The following SNX13 variants were observed in gnomAD, a reference collection of about 807,000 sequenced individuals.
SNX13 encodes sorting nexin 13.
In SNX13, 45 loss-of-function variants were observed where a neutral mutation model predicts 133.6. That is an observed-to-expected ratio of 0.34 (90% CI 0.27 to 0.43). The LOEUF is 0.43. Ranked by LOEUF, SNX13 falls within the 20% of genes least tolerant of loss-of-function variation. The pLI, the probability that SNX13 is intolerant of heterozygous loss-of-function variation, is 1.00. For missense variants in SNX13, 1,032 were observed against 1,145.1 expected (o/e 0.90, Z 1.43); for synonymous variants, 414 against 373.9 (o/e 1.11, Z -1.24).
chr7:17,865,656 C>G (rs1203607483), intron 9 of SNX13, among the ~76,000 whole-genome samples: 1 of 151,970 alleles, frequency 6.6e-6, no homozygotes, highest in East Asian at 1.9e-4. Context: ...ATATATGGAA[C>G]CACAAAAGAC....
intron 1 of SNX13, among the ~76,000 whole-genome samples, chr7:17,925,998 A>AT (rs889728812): frequency 2.0e-5 from 3 of 152,214 alleles, no homozygotes; most frequent in African/African-American, 7.2e-5. Flanking sequence ...GGTTATAGGT[A>AT]TTTTTTAAAT....
At chr7:17,845,849 G>A (rs1322977177) in intron 11 of SNX13, among the ~76,000 whole-genome samples, 155 bp from the exon 12 acceptor site, 2 of 152,078 alleles carry the variant, frequency 1.3e-5, no homozygotes, top group Non-Finnish European at 2.9e-5. Flanking sequence ...TATACATTGT[G>A]TGAATTTAAA....
chr7:17,927,142 G>T (rs1235880205), intron 1 of SNX13, among the ~76,000 whole-genome samples: 1 of 150,722 alleles, frequency 6.6e-6, no homozygotes, highest in Admixed American at 6.6e-5. Flanking sequence ...TGACATTTTT[G>T]ACATATATAT....
Position 17,819,384 on chromosome 7 carries a change from G to C in SNX13, c.1845+2125C>G, listed in dbSNP as rs546635855. ...AGCCTCCTGAGTAGCTGGGACTACA[G>C]CCCAGCTAATTTTTTGTATTTTTGT... is the stretch of plus-strand genomic sequence containing the variant. On this transcript the variant is annotated intron_variant, in intron 18 of 25. Transcript: ENST00000428135. Among the ~76,000 whole-genome samples the C allele has an allele frequency of 2.1e-3, 313 of 152,076 alleles. 1 individual carries two copies. Among genetic ancestry groups the C allele is most frequent in the Non-Finnish European group, 3.5e-3 (239 of 67,988 alleles).
intron 1 of SNX13, among the ~76,000 whole-genome samples, chr7:17,935,886 G>A (rs1007907347): frequency 6.6e-6 from 1 of 152,126 alleles, no homozygotes; most frequent in Non-Finnish European, 1.5e-5. Context: ...AGATTAATGT[G>A]CCCCAAGAGT....
intron 20 of SNX13, among the ~76,000 whole-genome samples, chr7:17,805,341 C>T (rs904251687): frequency 2.0e-5 from 3 of 151,314 alleles, no homozygotes; most frequent in Admixed American, 6.6e-5. Flanking sequence ...TCAAATCAAT[C>T]GGGACATTAT....
intron 9 of SNX13, among the ~76,000 whole-genome samples, chr7:17,854,831 C>T (rs1791690508): frequency 1.3e-5 from 2 of 152,134 alleles, no homozygotes; most frequent in South Asian, 4.2e-4. Flanking sequence ...ACAATGAACT[C>T]TTAAGCGTTC....
intron 1 of SNX13, among the ~76,000 whole-genome samples, chr7:17,934,028 T>C (rs1241349562): frequency 6.6e-6 from 1 of 152,220 alleles, no homozygotes; most frequent in African/African-American, 2.4e-5. Context: ...TCCCTTATAG[T>C]GCTTAACATA....
chr7:17,925,774 G>A (rs538028073), intron 1 of SNX13, among the ~76,000 whole-genome samples: 1 of 150,934 alleles, frequency 6.6e-6, no homozygotes, highest in African/African-American at 2.5e-5. Context: ...TGAAGAGGAC[G>A]AAGAAGGGGA....
chr7:17,801,042 A>T (rs1485767716), intron 22 of SNX13, among the ~76,000 whole-genome samples: 1 of 23,520 alleles, frequency 4.3e-5, no homozygotes, highest in African/African-American at 1.3e-4. Context: ...ATATATATAT[A>T]TATATATATA....
intron 3 of SNX13, among the ~76,000 whole-genome samples, chr7:17,893,072 A>C (rs1169640541): frequency 6.6e-6 from 1 of 152,232 alleles, no homozygotes; most frequent in Non-Finnish European, 1.5e-5. Flanking sequence ...AGACAGCAGG[A>C]AAAATACCCA....
intron 1 of SNX13, chr7:17,898,111 G>C (rs1356142297): frequency 6.6e-6 from 1 of 150,526 alleles, no homozygotes; most frequent in East Asian, 1.9e-4. Flanking sequence ...GAATTATACT[G>C]TTTTAGCCAA....
At position 17,839,930 on chromosome 7, in the gene SNX13, G is replaced by A. The variant is rs12720473; in HGVS notation, c.1236C>T (p.Thr412=). The A allele has an allele frequency of 0.067, 108,368 of 1,611,568 alleles. 4,250 individuals carry two copies. Among genetic ancestry groups the A allele is most frequent in the Non-Finnish European group, 0.08 (93,901 of 1,178,382 alleles). The stretch of plus-strand genomic sequence containing the variant: ...ATAAAACTTCTAGCTGCTGTTGGGC[G>A]GTAACCCGGTATCCTTCCACTGTCA... ...FWMTVEGYRV[T]AQQQLEVLLS... The change falls in exon 13 of 26, where the codon ACC becomes ACT. Residue 412 remains threonine (T), a synonymous_variant. Transcript: ENST00000428135.
At chr7:17,836,347 G>A (rs1236344844) in intron 13 of SNX13, among the ~76,000 whole-genome samples, 1 of 151,852 alleles carries the variant, frequency 6.6e-6, no homozygotes, top group Non-Finnish European at 1.5e-5. Context: ...CAAAATCCCT[G>A]TCTCTTTAAA....
intron 9 of SNX13, among the ~76,000 whole-genome samples, chr7:17,853,018 T>C (rs1791425190): frequency 6.6e-6 from 1 of 152,150 alleles, no homozygotes; most frequent in Non-Finnish European, 1.5e-5. Context: ...TGAAAAAATA[T>C]ATTAAATGAA....
intron 9 of SNX13, among the ~76,000 whole-genome samples, chr7:17,857,501 C>T (rs1792066405): frequency 6.6e-6 from 1 of 152,076 alleles, no homozygotes; most frequent in Non-Finnish European, 1.5e-5. Flanking sequence ...TACTAGTAAA[C>T]TGGCCAGGTG....
At chr7:17,807,109 G>A (rs529845843) in intron 20 of SNX13, among the ~76,000 whole-genome samples, 2 of 152,002 alleles carry the variant, frequency 1.3e-5, no homozygotes, top group South Asian at 2.1e-4. Flanking sequence ...ACACAGAACC[G>A]TTCACTCCCC....
intron 5 of SNX13, among the ~76,000 whole-genome samples, chr7:17,884,221 T>C (rs76090084): frequency 0.015 from 2,272 of 152,298 alleles, 56 homozygotes; most frequent in African/African-American, 0.052. Context: ...GCTAAGACAT[T>C]AAAAGGAAAT....
chr7:17,810,695 C>T (rs1029908943), intron 20 of SNX13, among the ~76,000 whole-genome samples: 2 of 152,044 alleles, frequency 1.3e-5, no homozygotes, highest in Non-Finnish European at 2.9e-5. Context: ...AGAGACACAA[C>T]AAAAAAAGAG....
Sources: allele counts gnomAD v4.1 joint callset (sites outside exome capture counted in the v4.1 genomes callset), GRCh38; gene constraint gnomAD v4.1.1; transcripts MANE v1.5; gene names NCBI Gene and HGNC (gene_info 2026-07-23, HGNC 2026-07-21).